Variants in GLRA2 observed in about 807,000 individuals in gnomAD.
GLRA2 encodes glycine receptor subunit alpha-2.
A neutral mutation model predicts 31.6 loss-of-function variants in GLRA2; 11 were observed. The ratio of observed to expected loss-of-function variants is 0.35; its 90% confidence interval spans 0.22 to 0.58. The LOEUF is 0.58. Ranked by LOEUF, GLRA2 falls within the 20% of genes least tolerant of loss-of-function variation. The probability of loss-of-function intolerance (pLI) is 0.84; values close to 1 mark genes in which losing one functional copy is unlikely to be tolerated. For missense variants in GLRA2, 212 were observed against 351.8 expected, an observed-to-expected ratio of 0.60 and a Z score of 3.18; for synonymous variants, 132 against 134.0, an observed-to-expected ratio of 0.99 and a Z score of 0.10.
chrX:14,452,410 C>G, the GLRA2 span, among the ~76,000 whole-genome samples: 1 of 112,600 alleles, frequency 8.9e-6, no homozygotes, highest in Admixed American at 9.4e-5. Context: ...CATTTTCATT[C>G]TGCCTTCTAC....
intron 8 of GLRA2, among the ~76,000 whole-genome samples, chrX:14,708,436 A>C (rs1259286240): frequency 1.8e-5 from 2 of 111,250 alleles, no homozygotes; most frequent in African/African-American, 6.5e-5. Context: ...CAGGAGGTAT[A>C]TGTTGCACTA....
At chrX:14,503,303 G>A in the GLRA2 span, among the ~76,000 whole-genome samples, 1 of 111,120 alleles carries the variant, frequency 9.0e-6, no homozygotes, top group Non-Finnish European at 1.9e-5. Flanking sequence ...GGAGTTTACA[G>A]AAATGTTCTG....
Position 14,606,316 on chromosome X carries a change from T to C in GLRA2, c.578-815T>C, listed in dbSNP as rs772207207. On this transcript the variant is annotated intron_variant, in intron 5 of 8. Transcript: ENST00000218075. The stretch of plus-strand genomic sequence containing the variant: ...AGAAGAGTAGGCTTCATTTCTAGGG[T>C]AGAGAAAGATCCAGAAAAAATTGAC... 3.6e-5 allele frequency among the ~76,000 whole-genome samples: 4 copies of C among 110,427 alleles called. No homozygotes were observed. The South Asian group carries it at 1.5e-3, about 43-fold the overall frequency.
chrX:14,707,834 G>A (rs2147226310), intron 8 of GLRA2, among the ~76,000 whole-genome samples: 1 of 110,201 alleles, frequency 9.1e-6, no homozygotes, highest in Admixed American at 9.6e-5. Context: ...CTAGCTTTAA[G>A]GTATAATTGA....
the GLRA2 span, among the ~76,000 whole-genome samples, chrX:14,506,599 A>T: frequency 8.9e-6 from 1 of 111,992 alleles, no homozygotes. Context: ...ATAGCTTAGT[A>T]ATCATGCTGT....
At chrX:14,538,485 C>T (rs1364511067) in intron 2 of GLRA2, among the ~76,000 whole-genome samples, 1 of 111,489 alleles carries the variant, frequency 9.0e-6, no homozygotes, top group African/African-American at 3.2e-5. Flanking sequence ...ATCTTAGATT[C>T]CTACCAGAGT....
chrX:14,510,056 G>T, the GLRA2 span, among the ~76,000 whole-genome samples: 1 of 111,483 alleles, frequency 9.0e-6, no homozygotes, highest in Non-Finnish European at 1.9e-5. Context: ...GAAACAAGAT[G>T]GACCCAATAG....
intron 7 of GLRA2, among the ~76,000 whole-genome samples, chrX:14,626,586 G>C (rs1360639400): frequency 9.0e-6 from 1 of 111,327 alleles, no homozygotes; most frequent in Non-Finnish European, 1.9e-5. Flanking sequence ...GCTGTTTATT[G>C]CCTCTATCAG....
At chrX:14,589,327 G>A (rs977950371) in intron 4 of GLRA2, among the ~76,000 whole-genome samples, 3 of 109,414 alleles carry the variant, frequency 2.7e-5, no homozygotes, top group Non-Finnish European at 5.7e-5. Flanking sequence ...GTGTCTATTG[G>A]GATGATCATA....
chrX:14,692,729 G>T (rs1053800681), intron 8 of GLRA2, among the ~76,000 whole-genome samples: 1 of 111,699 alleles, frequency 9.0e-6, no homozygotes, highest in Non-Finnish European at 1.9e-5. Context: ...CTAGACCAAA[G>T]ATGGAAAATG....
At chrX:14,469,854 A>T in the GLRA2 span, among the ~76,000 whole-genome samples, 172 of 109,401 alleles carry the variant, frequency 1.6e-3, no homozygotes, top group Non-Finnish European at 2.4e-3. Context: ...ATAATAATTT[A>T]AAAAAAAACA....
rs1433496903 is a variant in GLRA2, at chrX:14,687,424, G to A, written c.931-3286G>A. 8.0e-5 allele frequency among the ~76,000 whole-genome samples: 9 copies of A among 111,843 alleles called. No individual in the cohort carries two copies. In the South Asian group the frequency reaches 1.8e-3, roughly 23 times the overall value. On this transcript the variant is annotated intron_variant, in intron 7 of 8. Transcript: ENST00000218075. ...TTTCCAACTTGGTTCCATTATCCTC[G>A]TCACTTTCAGGTACACCAATCAGAT...
chrX:14,607,924 G>A (rs763313830), intron 6 of GLRA2, among the ~76,000 whole-genome samples: 1 of 111,002 alleles, frequency 9.0e-6, no homozygotes, highest in Non-Finnish European at 1.9e-5. Flanking sequence ...GATTTTACCT[G>A]TCCAGAAAAG....
chrX:14,659,936 G>A (rs1415403563), intron 7 of GLRA2, among the ~76,000 whole-genome samples: 1 of 111,974 alleles, frequency 8.9e-6, no homozygotes, highest in African/African-American at 3.2e-5. Flanking sequence ...CTGGCAAATC[G>A]TTTTAGTTAA....
intron 4 of GLRA2, among the ~76,000 whole-genome samples, chrX:14,585,188 C>CAAGCTGT (rs1203020188): frequency 1.5e-4 from 17 of 111,274 alleles, no homozygotes; most frequent in African/African-American, 5.6e-4. Context: ...TAAGAAAATA[C>CAAGCTGT]AAGCTGTTCG....
At chrX:14,665,589 C>G in intron 7 of GLRA2, among the ~76,000 whole-genome samples, 1 of 111,649 alleles carries the variant, frequency 9.0e-6, no homozygotes, top group Admixed American at 9.5e-5. Flanking sequence ...TATAGTCAGT[C>G]TTTGACCATC....
chrX:14,721,935 C>T (rs1330940826), intron 8 of GLRA2, among the ~76,000 whole-genome samples: 7 of 111,587 alleles, frequency 6.3e-5, no homozygotes, highest in Middle Eastern at 8.4e-3. Context: ...GTAAACTTTT[C>T]CCCATCCTCC....
At chrX:14,461,769 T>C in the GLRA2 span, among the ~76,000 whole-genome samples, 1 of 112,220 alleles carries the variant, frequency 8.9e-6, no homozygotes, top group Non-Finnish European at 1.9e-5. Flanking sequence ...ATCTCCTGAA[T>C]AGAGCACACT....
chrX:14,473,582 T>C, the GLRA2 span, among the ~76,000 whole-genome samples: 1 of 111,982 alleles, frequency 8.9e-6, no homozygotes, highest in Non-Finnish European at 1.9e-5. Flanking sequence ...TTTCCTCCTT[T>C]CCCCTATAAG....
Sources: gnomAD v4.1 joint callset for allele counts (sites outside exome capture counted in the v4.1 genomes callset) on GRCh38, gnomAD v4.1.1 for gene constraint, MANE v1.5 for transcripts, NCBI Gene and HGNC (gene_info 2026-07-23, HGNC 2026-07-21) for gene names.